The following PPP2R3A variants were observed in gnomAD, a reference collection of about 807,000 sequenced individuals.
PPP2R3A encodes protein phosphatase 2 regulatory subunit B''alpha.
In PPP2R3A, 80 loss-of-function variants were observed where a neutral mutation model predicts 106.9. The ratio of observed to expected loss-of-function variants is 0.75; its 90% CI spans 0.62 to 0.90. PPP2R3A has a LOEUF of 0.90. Among genes scored for constraint, PPP2R3A ranks in the 40% least tolerant of loss-of-function variants. The pLI, the probability that PPP2R3A is intolerant of heterozygous loss-of-function variation, is 0.00. For missense variants in PPP2R3A, 1,386 were observed against 1,350.4 expected (o/e 1.03, Z -0.41); for synonymous variants, 483 against 468.3 (o/e 1.03, Z -0.41).
At chr3:136,030,770 ATATATATATATGTATG>A (rs1368477796) in intron 3 of PPP2R3A, among the ~76,000 whole-genome samples, 12 of 119,284 alleles carry the variant, frequency 1.0e-4, no homozygotes, top group African/African-American at 2.2e-4. Flanking sequence ...ACATATATAT[ATATATATATATGTATG>A]TATGTATGTA....
rs945308253 is a variant in PPP2R3A, at chr3:136,001,798, A to T, written c.300A>T (p.Gly100=). Reference sequence around the variant, plus strand: ...CAGGCATACCCAGGGTCAAGAGAGGATCTACATTTCAGAATACCTACAACT... The same window carrying T: ...CAGGCATACCCAGGGTCAAGAGAGGTTCTACATTTCAGAATACCTACAACT... ...AFTGIPRVKR[G]STFQNTYNLK... is the part of the protein sequence containing the mutation. Residue 100 remains glycine (G), a synonymous_variant, in exon 2 of 14, where the codon GGA becomes GGT. Transcript: ENST00000264977. The T allele has an allele frequency of 2.5e-6, 4 of 1,614,078 alleles. No individual in the cohort carries two copies. Among genetic ancestry groups the T allele is most frequent in the Admixed American group, 1.7e-5 (1 of 59,996 alleles).
chr3:135,966,913 G>A (rs968585657), intron 1 of PPP2R3A, among the ~76,000 whole-genome samples: 3 of 151,678 alleles, frequency 2.0e-5, no homozygotes, highest in Non-Finnish European at 2.9e-5. Flanking sequence ...AGAACCCAGC[G>A]CCTAGACCCT....
intron 2 of PPP2R3A, among the ~76,000 whole-genome samples, chr3:136,024,596 A>G (rs1488319020): frequency 6.6e-6 from 1 of 152,112 alleles, no homozygotes; most frequent in East Asian, 1.9e-4. Context: ...TCAAAGCAAA[A>G]GCATAGAGTT....
intron 4 of PPP2R3A, among the ~76,000 whole-genome samples, chr3:136,048,647 G>A (rs1935559893): frequency 6.6e-6 from 1 of 151,760 alleles, no homozygotes; most frequent in Non-Finnish European, 1.5e-5. Flanking sequence ...ACTCCAGCCT[G>A]GGTGAAAAGA....
intron 2 of PPP2R3A, among the ~76,000 whole-genome samples, chr3:136,017,823 A>G (rs927541322): frequency 6.6e-6 from 1 of 152,160 alleles, no homozygotes; most frequent in Non-Finnish European, 1.5e-5. Context: ...TCACTGTGCT[A>G]TGTTTCTGTC....
At chr3:135,987,584 CAT>C (rs1363643225) in intron 1 of PPP2R3A, among the ~76,000 whole-genome samples, 2 of 152,262 alleles carry the variant, frequency 1.3e-5, no homozygotes, top group East Asian at 3.9e-4. Context: ...CTAGAACTGT[CAT>C]GTGTCACATC....
rs1398250304 is a variant in PPP2R3A at position 135,986,189 on chromosome 3, G to T, written c.-440-14870G>T. The stretch of plus-strand genomic sequence containing the variant: ...TTTAAATATGAAGGTAAAGGAAGTT[G>T]AAGAAAGCTGTAGAGGTCAAGAATA... On this transcript the variant is annotated intron_variant, in intron 1 of 13. Coordinates refer to ENST00000264977, the MANE Select transcript of PPP2R3A (RefSeq NM_002718.5). Among the ~76,000 whole-genome samples, 3 of 152,110 alleles carry T rather than the reference G, an allele frequency of 2.0e-5. No homozygotes were observed. The East Asian group carries it at 5.8e-4, about 29-fold the overall frequency.
At chr3:136,025,762 TTAGC>T (rs1934625400) in intron 2 of PPP2R3A, among the ~76,000 whole-genome samples, 1 of 152,128 alleles carries the variant, frequency 6.6e-6, no homozygotes, top group Non-Finnish European at 1.5e-5. Flanking sequence ...TACAATGTAT[TTAGC>T]TAGTCAACAG....
At chr3:136,070,669 T>C in intron 6 of PPP2R3A, 117 bp downstream of exon 6, 1 of 727,276 alleles carries the variant, frequency 1.4e-6, no homozygotes. Flanking sequence ...AATGATTATT[T>C]CAAGTGGAAG....
In PPP2R3A at chr3:136,073,219, G is replaced by A. The variant is rs551006024; in HGVS notation, c.2544+2667G>A. On this transcript the variant is annotated intron_variant, in intron 6 of 13. Coordinates refer to ENST00000264977, the MANE Select transcript of PPP2R3A (RefSeq NM_002718.5). ...CCTGACCTCATGATCCGCCTGCCAC[G>A]GCCTCCCAAAGTGCTGGGATTACAG... Among the ~76,000 whole-genome samples, 16 of 152,206 alleles carry A rather than the reference G, an allele frequency of 1.1e-4. No homozygotes were observed. In the South Asian group the frequency reaches 2.9e-3, roughly 28 times the overall value.
chr3:136,054,874 A>G (rs574091269), intron 5 of PPP2R3A, among the ~76,000 whole-genome samples: 1 of 152,330 alleles, frequency 6.6e-6, no homozygotes, highest in East Asian at 1.9e-4. Context: ...AAAGAAATGC[A>G]TTAATTCAGT....
intron 1 of PPP2R3A, among the ~76,000 whole-genome samples, chr3:135,967,591 A>C (rs1328646739): frequency 2.0e-5 from 3 of 152,174 alleles, no homozygotes; most frequent in Admixed American, 6.5e-5. Flanking sequence ...TTCAAATCAT[A>C]ACTTTGCTTT....
At chr3:135,969,795 T>G (rs1019707298) in intron 1 of PPP2R3A, among the ~76,000 whole-genome samples, 1 of 152,200 alleles carries the variant, frequency 6.6e-6, no homozygotes, top group African/African-American at 2.4e-5. Context: ...AATCCAGATT[T>G]GGGGTTTCTC....
At chr3:136,053,563 C>A in intron 5 of PPP2R3A, among the ~76,000 whole-genome samples, 1 of 152,306 alleles carries the variant, frequency 6.6e-6, no homozygotes, top group South Asian at 2.1e-4. Context: ...ACAACAATCA[C>A]TAGTTGACTC....
At chr3:136,041,429 T>C (rs1935284589) in intron 4 of PPP2R3A, among the ~76,000 whole-genome samples, 1 of 151,962 alleles carries the variant, frequency 6.6e-6, no homozygotes, top group Non-Finnish European at 1.5e-5. Context: ...GGCTAATTTT[T>C]ATAGAGACTG....
At chr3:136,109,773 G>C (rs762476464) in intron 13 of PPP2R3A, among the ~76,000 whole-genome samples, 3 of 152,118 alleles carry the variant, frequency 2.0e-5, no homozygotes, top group Non-Finnish European at 4.4e-5. Context: ...ATATCACTTA[G>C]AAGAGAAACT....
rs769901380 is a variant in PPP2R3A, at chr3:136,023,175, C to T, written c.1996-3657C>T. On this transcript the variant is annotated intron_variant, in intron 2 of 13. Transcript: ENST00000264977. ...TGTTCTCCCTTCACGGTTTAAGAAG[C>T]GGCTGAAGTCATTTCAGCAGACACA... 1.6e-5 allele frequency: 26 copies of T among 1,612,982 alleles called. No individual in the cohort carries two copies. In the East Asian group the frequency reaches 2.7e-4, roughly 17 times the overall value.
intron 3 of PPP2R3A, among the ~76,000 whole-genome samples, chr3:136,030,824 A>ATG (rs1934859604): frequency 7.5e-5 from 11 of 147,568 alleles, no homozygotes; most frequent in South Asian, 2.1e-4. Flanking sequence ...GTATGTATGT[A>ATG]TACACACACA....
In PPP2R3A at chr3:136,026,918, T is replaced by C; in HGVS notation, c.2082T>C (p.Val694=). Residue 694 remains valine, a synonymous_variant, in exon 3 of 14, where the codon GTT becomes GTC. Transcript: ENST00000264977. ...SPSSPRPLSP[V]PHVNNVVNAP... ...GTAGTCCCCGACCTCTCTCCCCGGTTCCCCATGTGAATAATGTTGTGAATG... is the reference window on the plus strand; with the variant it reads ...GTAGTCCCCGACCTCTCTCCCCGGTCCCCCATGTGAATAATGTTGTGAATG... The C allele has an allele frequency of 6.2e-7, 1 of 1,613,508 alleles. No homozygotes were observed. The highest frequency in any genetic ancestry group is 8.5e-7 in the Non-Finnish European group (1 of 1,179,510).
Sources: gnomAD v4.1 joint callset for allele counts (sites outside exome capture counted in the v4.1 genomes callset) on GRCh38, gnomAD v4.1.1 for gene constraint, MANE v1.5 for transcripts, NCBI Gene and HGNC (gene_info 2026-07-23, HGNC 2026-07-21) for gene names.